The following AGBL4 variants were observed in gnomAD, a reference collection of about 807,000 sequenced individuals.
The protein encoded by AGBL4 is cytosolic carboxypeptidase 6.
AGBL4 carries 58 observed loss-of-function variants against 66.4 expected under a neutral mutation model. The observed-to-expected ratio is 0.87, with a 90% CI of 0.71 to 1.09. The LOEUF (loss-of-function observed/expected upper bound fraction) is 1.09. Ranked by LOEUF, AGBL4 falls within the 50% of genes least tolerant of loss-of-function variation. The pLI, the probability that AGBL4 is intolerant of heterozygous loss-of-function variation, is 0.00. For missense variants in AGBL4, 579 were observed against 631.0 expected (o/e 0.92, Z 0.88); for synonymous variants, 234 against 222.9 (o/e 1.05, Z -0.44).
chr1:49,965,244 C>T (rs1334285395), intron 1 of AGBL4, among the ~76,000 whole-genome samples: 1 of 152,138 alleles, frequency 6.6e-6, no homozygotes, highest in Non-Finnish European at 1.5e-5. Flanking sequence ...CAGACCATCC[C>T]CATGTACTTA....
intron 1 of AGBL4, among the ~76,000 whole-genome samples, chr1:49,960,800 G>A (rs1657056887): frequency 6.6e-6 from 1 of 152,074 alleles, no homozygotes; most frequent in Non-Finnish European, 1.5e-5. Flanking sequence ...TTCAGGTCAT[G>A]TAGCTCATAA....
intron 1 of AGBL4, among the ~76,000 whole-genome samples, chr1:49,948,151 A>G (rs1225789132): frequency 9.7e-6 from 1 of 103,296 alleles, no homozygotes; most frequent in Non-Finnish European, 1.7e-5. Context: ...AATATATATA[A>G]ATATACGTAA....
intron 3 of AGBL4, among the ~76,000 whole-genome samples, chr1:49,305,112 T>C (rs192734548): frequency 1.4e-3 from 206 of 152,302 alleles, no homozygotes; most frequent in African/African-American, 4.7e-3. Context: ...AGCTGATACA[T>C]GAACCCAAGC....
At position 49,285,668 on chromosome 1, in the gene AGBL4, A is replaced by G. The variant is rs539034576; in HGVS notation, c.283-39804T>C. ...AAAGAGAGAAGAATCAAATAGAACA[A>G]TAAAAAATGATAAAGGGGATATCAC... On this transcript the variant is annotated intron_variant, in intron 3 of 13. Transcript: ENST00000371839. Among the ~76,000 whole-genome samples, 3 of 152,344 alleles carry G rather than the reference A, an allele frequency of 2.0e-5. No individual in the cohort carries two copies. In the East Asian group the frequency reaches 5.8e-4, roughly 29 times the overall value.
chr1:48,686,704 A>T (rs1260029062), intron 6 of AGBL4, among the ~76,000 whole-genome samples: 1 of 152,208 alleles, frequency 6.6e-6, no homozygotes, highest in East Asian at 1.9e-4. Context: ...AGTTTGGTGG[A>T]CATGGCCTCT....
At chr1:49,654,795 T>C (rs939327153) in intron 3 of AGBL4, among the ~76,000 whole-genome samples, 1 of 152,214 alleles carries the variant, frequency 6.6e-6, no homozygotes, top group Non-Finnish European at 1.5e-5. Context: ...CCTCCATCCC[T>C]TTATTTTGAG....
intron 4 of AGBL4, among the ~76,000 whole-genome samples, chr1:49,055,115 A>G (rs1163819962): frequency 6.6e-6 from 1 of 152,058 alleles, no homozygotes; most frequent in Non-Finnish European, 1.5e-5. Flanking sequence ...CCTTGGGATA[A>G]CAGCTTATTA....
intron 1 of AGBL4, among the ~76,000 whole-genome samples, chr1:49,928,887 T>C (rs918720302): frequency 6.6e-6 from 1 of 152,120 alleles, no homozygotes; most frequent in Non-Finnish European, 1.5e-5. Context: ...GCAGCACTAT[T>C]TGCAATAGCA....
chr1:49,496,116 T>A (rs1647538564), intron 3 of AGBL4, among the ~76,000 whole-genome samples: 1 of 152,014 alleles, frequency 6.6e-6, no homozygotes, highest in Non-Finnish European at 1.5e-5. Context: ...AATGAGATCC[T>A]TAAGATATAT....
chr1:49,416,533 GTAAATGGCCTTAGA>G (rs1645429559), intron 3 of AGBL4, among the ~76,000 whole-genome samples: 1 of 152,054 alleles, frequency 6.6e-6, no homozygotes, highest in Non-Finnish European at 1.5e-5. Context: ...AATATGCTTT[GTAAATGGCCTTAGA>G]TAAATGTTAC....
At chr1:49,835,376 T>C (rs1645819266) in intron 2 of AGBL4, among the ~76,000 whole-genome samples, 1 of 152,148 alleles carries the variant, frequency 6.6e-6, no homozygotes, top group Non-Finnish European at 1.5e-5. Flanking sequence ...CTGTTTTATC[T>C]GAGACTGGGA....
At chr1:48,652,038 T>C (rs921304690) in intron 8 of AGBL4, among the ~76,000 whole-genome samples, 2 of 152,086 alleles carry the variant, frequency 1.3e-5, no homozygotes, top group African/African-American at 4.8e-5. Context: ...GAATAAGAGT[T>C]GTTCGATAAC....
At chr1:48,632,758 T>C (rs141501910) in intron 9 of AGBL4, among the ~76,000 whole-genome samples, 238 of 152,224 alleles carry the variant, frequency 1.6e-3, no homozygotes, top group Non-Finnish European at 2.7e-3. Flanking sequence ...AGAAAAAAAA[T>C]GTAGGAGCTT....
rs974541947 is a variant in AGBL4, at chr1:49,371,795, A to C, written c.283-125931T>G. 4.7e-5 allele frequency among the ~76,000 whole-genome samples: 7 copies of C among 149,232 alleles called. No individual in the cohort carries two copies. In the East Asian group the frequency reaches 1.2e-3, roughly 25 times the overall value. ...TGGAAATTATCATTGTGTGTCAGTCAGAGCCAGTGACTTTTCAAACTCTGT... is the reference window on the plus strand; with the variant it reads ...TGGAAATTATCATTGTGTGTCAGTCCGAGCCAGTGACTTTTCAAACTCTGT... On this transcript the variant is annotated intron_variant, in intron 3 of 13. Coordinates refer to ENST00000371839, the MANE Select transcript of AGBL4 (RefSeq NM_032785.4).
At chr1:49,204,266 C>G (rs777073609) in intron 4 of AGBL4, among the ~76,000 whole-genome samples, 1 of 151,950 alleles carries the variant, frequency 6.6e-6, no homozygotes, top group Non-Finnish European at 1.5e-5. Flanking sequence ...AACTATTTAT[C>G]TATTTTTTAT....
At chr1:49,194,653 A>G (rs1409177489) in intron 4 of AGBL4, among the ~76,000 whole-genome samples, 2 of 152,112 alleles carry the variant, frequency 1.3e-5, no homozygotes, top group South Asian at 2.1e-4. Flanking sequence ...ATGGAGTGCA[A>G]TGGCTTGATT....
chr1:49,975,042 A>G (rs1041471813), intron 1 of AGBL4, among the ~76,000 whole-genome samples: 2 of 152,224 alleles, frequency 1.3e-5, no homozygotes, highest in Non-Finnish European at 2.9e-5. Flanking sequence ...ATGATGTGGT[A>G]GTTGCTATAG....
At chr1:49,351,220 A>C (rs1398454921) in intron 3 of AGBL4, among the ~76,000 whole-genome samples, 1 of 152,126 alleles carries the variant, frequency 6.6e-6, no homozygotes, top group Non-Finnish European at 1.5e-5. Context: ...TGAACAACTG[A>C]GTGGGGTAAA....
At chr1:48,703,366 G>A (rs1183268606) in intron 6 of AGBL4, among the ~76,000 whole-genome samples, 1 of 152,146 alleles carries the variant, frequency 6.6e-6, no homozygotes, top group East Asian at 1.9e-4. Flanking sequence ...AACTGAAACA[G>A]TGATGAGGAC....
Sources: gnomAD v4.1 joint callset for allele counts (sites outside exome capture counted in the v4.1 genomes callset) on GRCh38, gnomAD v4.1.1 for gene constraint, MANE v1.5 for transcripts, NCBI Gene and HGNC (gene_info 2026-07-23, HGNC 2026-07-21) for gene names.